GNA12: variants seen among roughly 807,000 people sequenced by gnomAD.
GNA12 encodes the protein guanine nucleotide-binding protein subunit alpha-12.
In GNA12, 9 loss-of-function variants were observed where a neutral mutation model predicts 26.0. That is an observed-to-expected ratio of 0.35 (90% confidence interval 0.21 to 0.60). The LOEUF (loss-of-function observed/expected upper bound fraction) is 0.60. Among genes scored for constraint, GNA12 ranks in the 20% least tolerant of loss-of-function variants. The probability of loss-of-function intolerance (pLI) is 0.78; values close to 1 mark genes in which losing one functional copy is unlikely to be tolerated. For synonymous variants in GNA12, 264 were observed against 219.6 expected, an observed-to-expected ratio of 1.20 and a Z score of -1.79; for missense variants, 405 against 525.8, an observed-to-expected ratio of 0.77 and a Z score of 2.25.
chr7:2,799,669 A>AG lies in GNA12; in HGVS notation c.310-4527dup, dbSNP rs767216177. Among the ~76,000 whole-genome samples, 11 of 152,284 alleles carry AG rather than the reference A, an allele frequency of 7.2e-5. No individual in the cohort carries two copies. In the East Asian group the frequency reaches 1.9e-3, roughly 27 times the overall value. On this transcript the variant is annotated intron_variant, in intron 1 of 3. Coordinates refer to ENST00000275364, the MANE Select transcript of GNA12 (RefSeq NM_007353.3). ...CAGCAGGTCACAGAATGAAATGAAG[A>AG]GAAAAAAAAAATTTTTTAAAGAAAA...
intron 2 of GNA12, among the ~76,000 whole-genome samples, chr7:2,757,129 CTTTTTTTTTT>C (rs71026549): frequency 1.1e-5 from 1 of 94,004 alleles, no homozygotes; most frequent in Non-Finnish European, 2.0e-5. Flanking sequence ...TCAGGTGGGC[CTTTTTTTTTT>C]TTTTTTTTTT....
chr7:2,813,938 C>G (rs1383679163), intron 1 of GNA12, among the ~76,000 whole-genome samples: 1 of 152,164 alleles, frequency 6.6e-6, no homozygotes, highest in African/African-American at 2.4e-5. Context: ...GGCTGGGCAC[C>G]TTCCAATCCC....
At chr7:2,826,585 T>C (rs1793490252) in intron 1 of GNA12, among the ~76,000 whole-genome samples, 1 of 152,132 alleles carries the variant, frequency 6.6e-6, no homozygotes, top group South Asian at 2.1e-4. Context: ...GGTATATCCA[T>C]ACAAAGGTAT....
chr7:2,748,206 A>C (rs932577987), intron 2 of GNA12, among the ~76,000 whole-genome samples: 1 of 151,112 alleles, frequency 6.6e-6, no homozygotes, highest in Non-Finnish European at 1.5e-5. Flanking sequence ...CGCCAAGTCA[A>C]TCCTAAGCCA....
At chr7:2,777,864 C>A (rs750115633) in intron 2 of GNA12, among the ~76,000 whole-genome samples, 2 of 152,208 alleles carry the variant, frequency 1.3e-5, no homozygotes, top group Non-Finnish European at 2.9e-5. Context: ...TAAATAAACT[C>A]AGATTTGTTT....
intron 2 of GNA12, among the ~76,000 whole-genome samples, chr7:2,734,505 A>G (rs1583207312): frequency 6.6e-6 from 1 of 152,180 alleles, no homozygotes; most frequent in East Asian, 1.9e-4. Flanking sequence ...ACGCAGGAGA[A>G]TTTTAAGGAG....
chr7:2,736,269 G>C (rs59828898), intron 2 of GNA12, among the ~76,000 whole-genome samples: 3,933 of 152,240 alleles, frequency 0.026, 126 homozygotes, highest in Middle Eastern at 0.075. Flanking sequence ...CGGCTGCTGC[G>C]GTCACACGAT....
chr7:2,793,427 T>G (rs150936802), intron 2 of GNA12, among the ~76,000 whole-genome samples: 10 of 152,288 alleles, frequency 6.6e-5, no homozygotes, highest in Non-Finnish European at 1.3e-4. Flanking sequence ...GATGTCAACT[T>G]CTTAGTTTTA....
intron 1 of GNA12, among the ~76,000 whole-genome samples, chr7:2,825,276 C>T (rs1281526003): frequency 1.3e-5 from 2 of 152,126 alleles, no homozygotes; most frequent in African/African-American, 2.4e-5. Context: ...TCCCTCCCTC[C>T]GAGCTCTTGC....
chr7:2,824,050 A>C (rs1164265144), intron 1 of GNA12, among the ~76,000 whole-genome samples: 8 of 152,174 alleles, frequency 5.3e-5, no homozygotes, highest in Non-Finnish European at 7.4e-5. Context: ...AACAGATCAC[A>C]CCCATGTCTG....
chr7:2,753,165 TAA>T (rs869161467), intron 2 of GNA12, among the ~76,000 whole-genome samples: 112 of 147,188 alleles, frequency 7.6e-4, no homozygotes, highest in African/African-American at 2.7e-3. Context: ...TTTTTTTTTT[TAA>T]AAAAAGAGAC....
At chr7:2,813,115 C>T (rs1183756689) in intron 1 of GNA12, among the ~76,000 whole-genome samples, 1 of 152,146 alleles carries the variant, frequency 6.6e-6, no homozygotes, top group Non-Finnish European at 1.5e-5. Context: ...GACACACAGT[C>T]TTGCTATGCT....
At chr7:2,794,245 C>A (rs992649380) in intron 2 of GNA12, among the ~76,000 whole-genome samples, 2 of 152,116 alleles carry the variant, frequency 1.3e-5, no homozygotes, top group African/African-American at 4.8e-5. Context: ...GCTAAGGGGG[C>A]AAACGGCTGT....
intron 2 of GNA12, among the ~76,000 whole-genome samples, chr7:2,780,875 G>A (rs1474677372): frequency 6.6e-6 from 1 of 152,150 alleles, no homozygotes; most frequent in African/African-American, 2.4e-5. Context: ...CTAGGATTGG[G>A]ATTACTGAGC....
At chr7:2,782,140 T>A (rs1792245127) in intron 2 of GNA12, among the ~76,000 whole-genome samples, 1 of 152,160 alleles carries the variant, frequency 6.6e-6, no homozygotes, top group Non-Finnish European at 1.5e-5. Flanking sequence ...TCAAACCATA[T>A]ACAAAAATTA....
At chr7:2,830,217 C>T (rs1008210536) in intron 1 of GNA12, among the ~76,000 whole-genome samples, 2 of 150,938 alleles carry the variant, frequency 1.3e-5, no homozygotes, top group Non-Finnish European at 2.9e-5. Context: ...GGGCTGGGGT[C>T]AGGAAATGCA....
intron 2 of GNA12, among the ~76,000 whole-genome samples, chr7:2,792,334 G>A (rs903756761): frequency 8.5e-5 from 13 of 152,212 alleles, no homozygotes; most frequent in African/African-American, 3.1e-4. Context: ...CTCAGGCACA[G>A]CATAACTGGT....
chr7:2,731,167 C>A lies in GNA12; in HGVS notation c.*14G>T. The A allele has an allele frequency of 1.3e-6, 2 of 1,583,384 alleles. No individual in the cohort carries two copies. Among genetic ancestry groups the A allele is most frequent in the East Asian group, 2.2e-5 (1 of 44,654 alleles). On this transcript the variant is annotated 3_prime_UTR_variant, in exon 4 of 4. Coordinates refer to ENST00000275364, the MANE Select transcript of GNA12 (RefSeq NM_007353.3). The surrounding 1 kb of genome is among the most constrained non-coding windows in gnomAD (Gnocchi z 6.0). ...GGGGCTGCTCAACGACGACAAACCC[C>A]GGGGCTTCCTCGCTCACTGCAGCAT...
chr7:2,796,428 GA>G (rs1283193640), intron 1 of GNA12, among the ~76,000 whole-genome samples: 2 of 152,122 alleles, frequency 1.3e-5, no homozygotes, highest in African/African-American at 4.8e-5. Flanking sequence ...TGGATAACGG[GA>G]GATGACTGTA....
Sources: gnomAD v4.1 joint callset for allele counts (sites outside exome capture counted in the v4.1 genomes callset) on GRCh38, gnomAD v4.1.1 for gene constraint, Gnocchi (gnomAD v3.1) non-coding constraint, MANE v1.5 for transcripts, NCBI Gene and HGNC (gene_info 2026-07-23, HGNC 2026-07-21) for gene names.